The following SYTL5 variants were observed in gnomAD, a reference collection of about 807,000 sequenced individuals.
The protein encoded by SYTL5 is synaptotagmin-like protein 5.
SYTL5 carries 34 observed loss-of-function variants against 55.9 expected under a neutral mutation model. The ratio of observed to expected loss-of-function variants is 0.61; its 90% confidence interval spans 0.46 to 0.81. The LOEUF (loss-of-function observed/expected upper bound fraction) is 0.81, where lower values mean the gene tolerates loss of function less well. Ranked by LOEUF, SYTL5 falls within the 30% of genes least tolerant of loss-of-function variation. The probability of loss-of-function intolerance (pLI) is 0.00; values close to 1 mark genes in which losing one functional copy is unlikely to be tolerated. For synonymous variants in SYTL5, 221 were observed against 188.7 expected (o/e 1.17, Z -1.40); for missense variants, 637 against 546.7 (o/e 1.17, Z -1.65).
chrX:37,925,370 A>G, the SYTL5 span, among the ~76,000 whole-genome samples: 2 of 111,179 alleles, frequency 1.8e-5, no homozygotes, highest in East Asian at 5.6e-4. Context: ...GTTTTGATAT[A>G]CAGATTTCCT....
the SYTL5 span, chrX:37,991,101 G>C: frequency 1.7e-6 from 2 of 1,209,678 alleles, no homozygotes; most frequent in African/African-American, 3.5e-5. Context: ...TAGGGAGAGA[G>C]AAGTGGACAA....
At chrX:38,099,139 A>G (rs1937017238) in intron 9 of SYTL5, among the ~76,000 whole-genome samples, 1 of 111,247 alleles carries the variant, frequency 9.0e-6, no homozygotes, top group South Asian at 3.8e-4. Context: ...GGTAAATTTT[A>G]TGGTATGTAA....
chrX:38,111,636 A>G (rs1211683088), intron 13 of SYTL5, among the ~76,000 whole-genome samples: 1 of 112,135 alleles, frequency 8.9e-6, no homozygotes, highest in Non-Finnish European at 1.9e-5. Flanking sequence ...CTCCCTGACT[A>G]GCTCCAAGCA....
chrX:38,100,307 G>C (rs1419390667), intron 9 of SYTL5, among the ~76,000 whole-genome samples: 1 of 110,937 alleles, frequency 9.0e-6, no homozygotes, highest in Non-Finnish European at 1.9e-5. Flanking sequence ...CAGATTCTTG[G>C]AAACTGCCAC....
At chrX:38,078,032 C>CA (rs1014217954) in intron 6 of SYTL5, among the ~76,000 whole-genome samples, 6 of 107,516 alleles carry the variant, frequency 5.6e-5, no homozygotes, top group East Asian at 5.8e-4. Context: ...GACCTTGTCT[C>CA]AAAAAAAAAT....
chrX:37,966,610 G>T, the SYTL5 span, among the ~76,000 whole-genome samples: 5 of 109,202 alleles, frequency 4.6e-5, no homozygotes, highest in African/African-American at 1.7e-4. Context: ...GCTAATTTTT[G>T]TATTTTTAGT....
chrX:38,102,924 G>C (rs1188602692), intron 10 of SYTL5: 9 of 567,223 alleles, frequency 1.6e-5, no homozygotes, highest in Non-Finnish European at 2.2e-5. Flanking sequence ...GGAAGGCCCT[G>C]TGTCCTTGTA....
the SYTL5 span, among the ~76,000 whole-genome samples, chrX:37,922,853 C>T: frequency 4.5e-5 from 5 of 111,572 alleles, no homozygotes; most frequent in Non-Finnish European, 7.5e-5. Context: ...GTATCACATA[C>T]ATAACAGCTT....
At chrX:38,029,546 G>C (rs2208108) in intron 1 of SYTL5, among the ~76,000 whole-genome samples, 25,710 of 110,596 alleles carry the variant, frequency 0.23, 5,351 homozygotes, top group African/African-American at 0.66. Flanking sequence ...CATAGCTAGG[G>C]GGCATGGCTA....
chrX:38,113,283 T>C (rs748784069), intron 13 of SYTL5, among the ~76,000 whole-genome samples: 1 of 112,485 alleles, frequency 8.9e-6, no homozygotes, highest in African/African-American at 3.2e-5. Context: ...GAGTGTACTA[T>C]TATAAAAACA....
chrX:38,049,907 G>A (rs1407195276), intron 2 of SYTL5, among the ~76,000 whole-genome samples: 3 of 111,858 alleles, frequency 2.7e-5, no homozygotes, highest in African/African-American at 9.7e-5. Context: ...GACACAAAGA[G>A]GTTAAGTCTC....
intron 1 of SYTL5, among the ~76,000 whole-genome samples, chrX:38,017,599 G>A (rs952465817): frequency 1.8e-5 from 2 of 109,619 alleles, no homozygotes; most frequent in Non-Finnish European, 3.8e-5. Context: ...CGAAGATCAG[G>A]CTGCTTATTC....
chrX:37,941,912 A>G, the SYTL5 span, among the ~76,000 whole-genome samples: 1 of 112,059 alleles, frequency 8.9e-6, no homozygotes, highest in African/African-American at 3.2e-5. Flanking sequence ...AGGGAAAAAA[A>G]AACTTTTCAT....
chrX:37,943,163 C>T, the SYTL5 span, among the ~76,000 whole-genome samples: 38 of 112,083 alleles, frequency 3.4e-4, no homozygotes, highest in South Asian at 7.4e-4. Flanking sequence ...ATTTTAAATT[C>T]TCACTACATT....
At chrX:37,965,029 T>G in the SYTL5 span, among the ~76,000 whole-genome samples, 1 of 111,343 alleles carries the variant, frequency 9.0e-6, no homozygotes, top group Non-Finnish European at 1.9e-5. Flanking sequence ...CCATAAAAAC[T>G]CTAAATTTCA....
At chrX:38,113,300 TC>T (rs756871386) in intron 13 of SYTL5, among the ~76,000 whole-genome samples, 204 of 112,502 alleles carry the variant, frequency 1.8e-3, no homozygotes, top group Non-Finnish European at 2.5e-3. Context: ...AACAAGGACA[TC>T]TGAAAATCAA....
chrX:37,996,041 G>T, the SYTL5 span, among the ~76,000 whole-genome samples: 4 of 111,784 alleles, frequency 3.6e-5, no homozygotes, highest in African/African-American at 1.3e-4. Flanking sequence ...GGGCTTCTGG[G>T]CTCTTTCAGA....
the SYTL5 span, among the ~76,000 whole-genome samples, chrX:37,987,418 G>A: frequency 8.9e-6 from 1 of 112,045 alleles, no homozygotes; most frequent in African/African-American, 3.2e-5. Context: ...TTTTGATCAT[G>A]CACAATAAAT....
At chrX:37,908,949 G>A in the SYTL5 span, among the ~76,000 whole-genome samples, 1 of 111,624 alleles carries the variant, frequency 9.0e-6, no homozygotes, top group East Asian at 2.8e-4. Flanking sequence ...CTGGTTTACA[G>A]CATCTGAATG....
Sources: gnomAD v4.1 joint callset for allele counts (sites outside exome capture counted in the v4.1 genomes callset) on GRCh38, gnomAD v4.1.1 for gene constraint, MANE v1.5 for transcripts, NCBI Gene and HGNC (gene_info 2026-07-23, HGNC 2026-07-21) for gene names.